The following AK7 variants were observed in gnomAD, a reference collection of about 807,000 sequenced individuals.
AK7 encodes the protein ATP-AMP transphosphorylase 7.
Under a neutral mutation model 96.6 loss-of-function variants are expected in AK7, and 78 were observed. The observed-to-expected ratio is 0.81, with a 90% CI of 0.67 to 0.97. The LOEUF (loss-of-function observed/expected upper bound fraction) is 0.97, where lower values mean the gene tolerates loss of function less well. Ranked by LOEUF, AK7 falls within the 50% of genes least tolerant of loss-of-function variation. AK7 has a pLI of 0.00. For missense variants in AK7, 855 were observed against 887.9 expected, an observed-to-expected ratio of 0.96 and a Z score of 0.47; for synonymous variants, 302 against 317.2, an observed-to-expected ratio of 0.95 and a Z score of 0.51.
intron 1 of AK7, among the ~76,000 whole-genome samples, chr14:96,395,433 G>A (rs1339979628): frequency 6.6e-6 from 1 of 152,068 alleles, no homozygotes; most frequent in East Asian, 1.9e-4. Flanking sequence ...CTGGTCTCAG[G>A]GGTGGCAGAG....
chr14:96,472,668 GA>G lies in AK7; in HGVS notation c.1487-17del. 1.3e-6 allele frequency: 2 copies of G among 1,596,240 alleles called. No homozygotes were observed. Among genetic ancestry groups the G allele is most frequent in the Non-Finnish European group, 1.7e-6 (2 of 1,164,186 alleles). On this transcript the variant is annotated intron_variant, in intron 13 of 17. Transcript: ENST00000267584. ...ATAATATATTAATAAACACAATGAGGAATATTTTGTTTTCTTAGAGGAAGAT... is the reference window on the plus strand; with the variant it reads ...ATAATATATTAATAAACACAATGAGGATATTTTGTTTTCTTAGAGGAAGAT...
At chr14:96,428,479 A>G (rs1566778220) in intron 5 of AK7, among the ~76,000 whole-genome samples, 1 of 152,242 alleles carries the variant, frequency 6.6e-6, no homozygotes, top group East Asian at 1.9e-4. Context: ...GTATATACCC[A>G]GTAATGGAAT....
At chr14:96,482,393 C>A (rs780210688) in intron 15 of AK7, among the ~76,000 whole-genome samples, 31 of 152,304 alleles carry the variant, frequency 2.0e-4, no homozygotes, top group Admixed American at 5.9e-4. Context: ...ACCTTCCAAG[C>A]AGCCCTAAGA....
chr14:96,471,145 A>T (rs1894859524), intron 12 of AK7, among the ~76,000 whole-genome samples: 1 of 152,102 alleles, frequency 6.6e-6, no homozygotes. Context: ...TAGCCTGGGC[A>T]ACATTGCAAG....
chr14:96,429,139 A>G (rs1184639310), intron 5 of AK7, among the ~76,000 whole-genome samples: 1 of 151,752 alleles, frequency 6.6e-6, no homozygotes, highest in Non-Finnish European at 1.5e-5. Context: ...TAATTTTTGT[A>G]TAAGGTGTAA....
chr14:96,413,051 C>G (rs1340131222), intron 4 of AK7, among the ~76,000 whole-genome samples: 2 of 152,212 alleles, frequency 1.3e-5, no homozygotes, highest in African/African-American at 4.8e-5. Context: ...TTCTGTAAGT[C>G]TGTTTTCCAG....
In AK7 at chr14:96,398,186, G is replaced by A; in HGVS notation, c.217G>A (p.Glu73Lys). Residue 73 changes from glutamate to lysine, a missense_variant, in exon 2 of 18, where the codon GAA (glutamate) becomes AAA (lysine). Glu to Lys is a moderately conservative substitution (Grantham distance 56, BLOSUM62 1). Transcript: ENST00000267584. ...MLEASSTKVK[E>K]GTFQIVGTLS... ...GGAAGCTTCCTCAACCAAAGTGAAGGAAGGCACATTCCAGATTGTGGGCAC... is the reference window on the plus strand; with the variant it reads ...GGAAGCTTCCTCAACCAAAGTGAAGAAAGGCACATTCCAGATTGTGGGCAC... 1.2e-6 allele frequency: 2 copies of A among 1,614,144 alleles called. No individual in the cohort carries two copies. The highest frequency in any genetic ancestry group is 2.2e-5 in the South Asian group (2 of 91,074).
At position 96,483,221 on chromosome 14, in the gene AK7, T is replaced by G. The variant is rs1238797062; in HGVS notation, c.1974+2T>G. 1.3e-6 allele frequency: 2 copies of G among 1,586,866 alleles called. No individual in the cohort carries two copies. The highest frequency in any genetic ancestry group is 1.7e-6 in the Non-Finnish European group (2 of 1,167,158). ...AAGATAGCTCGCTGGGAGGAGTGGG[T>G]GAGTGGTGAGTGTGTTTGTGAGTCT... On this transcript the variant is annotated splice_donor_variant, in intron 16 of 17. Transcript: ENST00000267584. LOFTEE classifies it high-confidence loss of function.
intron 15 of AK7, among the ~76,000 whole-genome samples, chr14:96,481,828 C>T (rs1895521542): frequency 6.6e-6 from 1 of 151,788 alleles, no homozygotes; most frequent in African/African-American, 2.4e-5. Context: ...CCTAAGCCTC[C>T]CAAGTAGCTG....
At chr14:96,425,525 T>G (rs549571715) in intron 5 of AK7, among the ~76,000 whole-genome samples, 1 of 144,634 alleles carries the variant, frequency 6.9e-6, no homozygotes, top group South Asian at 2.2e-4. Flanking sequence ...CTCTGTTGCG[T>G]AGGCTGGAGT....
intron 13 of AK7, 125 bp from the exon 14 acceptor site, chr14:96,472,562 A>G: frequency 1.5e-6 from 1 of 652,216 alleles, no homozygotes; most frequent in Non-Finnish European, 2.7e-6. Context: ...CTATTTCTAA[A>G]ATACATGTGC....
At chr14:96,398,362 T>C (rs1215890581) in intron 2 of AK7, 99 bp downstream of exon 2, 1 of 1,284,020 alleles carries the variant, frequency 7.8e-7, no homozygotes, top group Non-Finnish European at 1.1e-6. Flanking sequence ...TCCCCTCCCC[T>C]CTCTTCCACA....
rs150766684 is a variant in AK7 at position 96,413,640 on chromosome 14, T to C, written c.498+4699T>C. On this transcript the variant is annotated intron_variant, in intron 4 of 17. Coordinates refer to ENST00000267584, the MANE Select transcript of AK7 (RefSeq NM_152327.5). ...TCCCTACACCCTGCCCACATCTTCGTAAACAGTCCTGTTATTAAACTCTCT... is the reference window on the plus strand; with the variant it reads ...TCCCTACACCCTGCCCACATCTTCGCAAACAGTCCTGTTATTAAACTCTCT... Among the ~76,000 whole-genome samples the C allele has an allele frequency of 3.5e-3, 533 of 152,346 alleles. 1 individual carries two copies. The highest frequency in any genetic ancestry group is 0.012 in the African/African-American group (513 of 41,582).
chr14:96,453,483 A>T (rs557854119), intron 10 of AK7, among the ~76,000 whole-genome samples: 6 of 152,380 alleles, frequency 3.9e-5, no homozygotes, highest in African/African-American at 1.4e-4. Context: ...ACTCAGTGAC[A>T]TCCCCAAAAG....
At chr14:96,451,275 T>C (rs974800524) in intron 9 of AK7, 146 bp from the exon 10 acceptor site, 3 of 613,848 alleles carry the variant, frequency 4.9e-6, no homozygotes, top group Non-Finnish European at 7.4e-6. Context: ...ACAGATACTC[T>C]GTAAATACTC....
At chr14:96,400,930 C>T (rs1052699529) in intron 2 of AK7, among the ~76,000 whole-genome samples, 19 of 152,152 alleles carry the variant, frequency 1.2e-4, no homozygotes, top group African/African-American at 4.6e-4. Context: ...TCTTTTATCC[C>T]GTTCATTATG....
chr14:96,483,574 A>T (rs1895623842), intron 16 of AK7, among the ~76,000 whole-genome samples: 1 of 152,038 alleles, frequency 6.6e-6, no homozygotes, highest in Non-Finnish European at 1.5e-5. Flanking sequence ...GGTGTGCACC[A>T]CCAAGCCCAG....
At position 96,483,943 on chromosome 14, in the gene AK7, T is replaced by C. The variant is rs576617506; in HGVS notation, c.1974+724T>C. On this transcript the variant is annotated intron_variant, in intron 16 of 17. Transcript: ENST00000267584. The stretch of plus-strand genomic sequence containing the variant: ...GTGATTCTGCTTCCAAAAATAGCAC[T>C]CTTAGGCTGGGCATGGTGGTTCATA... Among the ~76,000 whole-genome samples, 345 of 151,924 alleles carry C rather than the reference T, an allele frequency of 2.3e-3. 1 individual carries two copies. Among genetic ancestry groups the C allele is most frequent in the Non-Finnish European group, 3.7e-3 (250 of 67,976 alleles).
chr14:96,483,354 G>A lies in AK7; in HGVS notation c.1974+135G>A, dbSNP rs776184232. The A allele has an allele frequency of 6.0e-5, 53 of 881,980 alleles. No individual in the cohort carries two copies. In the South Asian group the frequency reaches 8.6e-4, roughly 14 times the overall value. The allele number at this position is 881,980 out of a possible 1,614,324, so 54.6% of individuals were successfully genotyped here. On this transcript the variant is annotated intron_variant, in intron 16 of 17. Transcript: ENST00000267584. ...ATGGAAATACCCTAAACAAATTTGT[G>A]TTTGCTTTTTGTCATTTGTACCATT...
Sources: gnomAD v4.1 joint callset for allele counts (sites outside exome capture counted in the v4.1 genomes callset) on GRCh38, gnomAD v4.1.1 for gene constraint, MANE v1.5 for transcripts, NCBI Gene and HGNC (gene_info 2026-07-23, HGNC 2026-07-21) for gene names.